Variants in TMEM231 observed in about 807,000 individuals in gnomAD.
The protein encoded by TMEM231 is transmembrane protein 231.
A neutral mutation model predicts 38.5 loss-of-function variants in TMEM231; 40 were observed. The observed-to-expected ratio is 1.04, with a 90% confidence interval of 0.81 to 1.35. The LOEUF (loss-of-function observed/expected upper bound fraction) is 1.35, where lower values mean the gene tolerates loss of function less well. Ranked by LOEUF, TMEM231 falls within the 40% of genes most tolerant of loss-of-function variation. The pLI is 0.00. For synonymous variants in TMEM231, 199 were observed against 181.7 expected (o/e 1.10, Z -0.77); for missense variants, 420 against 416.9 (o/e 1.01, Z -0.07).
chr16:75,552,773 C>T (rs2080776936), intron 2 of TMEM231, among the ~76,000 whole-genome samples: 1 of 152,126 alleles, frequency 6.6e-6, no homozygotes, highest in African/African-American at 2.4e-5. Flanking sequence ...TATGCCATAC[C>T]TGCCTCCTTG....
intron 2 of TMEM231, among the ~76,000 whole-genome samples, chr16:75,546,632 T>G (rs1168452692): frequency 6.6e-6 from 1 of 152,092 alleles, no homozygotes; most frequent in Non-Finnish European, 1.5e-5. Flanking sequence ...TAGTAGAGAC[T>G]GGGTCTCACC....
chr16:75,553,489 G>A (rs1206177678), intron 2 of TMEM231, among the ~76,000 whole-genome samples: 1 of 151,820 alleles, frequency 6.6e-6, no homozygotes, highest in Non-Finnish European at 1.5e-5. Flanking sequence ...CGGAGTGGTG[G>A]TGCATGCCTG....
At position 75,549,947 on chromosome 16, in the gene TMEM231, G is replaced by C. The variant is rs575927704; in HGVS notation, c.310-3993C>G. Reference sequence around the variant, plus strand: ...TATTCTCAAACTCCTGACCTTGGGTGATCTGCCCGCCTCAGCCTCCCAAAG... The same window carrying C: ...TATTCTCAAACTCCTGACCTTGGGTCATCTGCCCGCCTCAGCCTCCCAAAG... On this transcript the variant is annotated intron_variant, in intron 2 of 6. Transcript: ENST00000258173. Among the ~76,000 whole-genome samples, 5 of 152,308 alleles carry C rather than the reference G, an allele frequency of 3.3e-5. No homozygotes were observed. In the East Asian group the frequency reaches 9.6e-4, roughly 29 times the overall value.
rs534002998 is a variant in TMEM231 at position 75,555,642 on chromosome 16, C to G, written c.309+162G>C. ...GCAGAATGAAACAGAAGATCGATTCCCTAGGTCCTAGGAGATGAAACGCCA... is the reference window on the plus strand; with the variant it reads ...GCAGAATGAAACAGAAGATCGATTCGCTAGGTCCTAGGAGATGAAACGCCA... On this transcript the variant is annotated intron_variant, in intron 2 of 6. Transcript: ENST00000258173. 5.5e-4 allele frequency: 354 copies of G among 645,962 alleles called. 2 individuals carry two copies. The Middle Eastern group carries it at 7.5e-3, about 14-fold the overall frequency. The allele number at this position is 645,962 out of a possible 1,614,324, so 40.0% of individuals were successfully genotyped here.
In TMEM231 at chr16:75,541,464, C is replaced by T. The variant is rs2080628236; in HGVS notation, c.665-9G>A. 1 of 1,586,772 alleles carries T rather than the reference C, an allele frequency of 6.3e-7. No homozygotes were observed. Among genetic ancestry groups the T allele is most frequent in the Non-Finnish European group, 8.6e-7 (1 of 1,160,730 alleles). On this transcript the variant is annotated splice_polypyrimidine_tract_variant and intron_variant, in intron 5 of 6. Transcript: ENST00000258173. ...ATTCAGGACGGTGGTAACTGCAATGCAATCATTAACCATTAACCACGATGG... is the reference window on the plus strand; with the variant it reads ...ATTCAGGACGGTGGTAACTGCAATGTAATCATTAACCATTAACCACGATGG...
chr16:75,552,739 G>A lies in TMEM231; in HGVS notation c.309+3065C>T, dbSNP rs186903080. On this transcript the variant is annotated intron_variant, in intron 2 of 6. Coordinates refer to ENST00000258173, the MANE Select transcript of TMEM231 (RefSeq NM_001077418.3). ...TGCCCCTTCTGCATGTTTTGATGCC[G>A]GCACAGGTGTAAGCAATGAGAACTA... Among the ~76,000 whole-genome samples, 799 of 152,098 alleles carry A rather than the reference G, an allele frequency of 5.3e-3. 6 individuals are homozygous for A. The highest frequency in any genetic ancestry group is 8.3e-3 in the South Asian group (40 of 4,820).
rs749234584 is a variant in TMEM231, at chr16:75,556,225, G to A, written c.-16C>T. 5 of 1,392,970 alleles carry A rather than the reference G, an allele frequency of 3.6e-6. No homozygotes were observed. The East Asian group carries it at 8.8e-5, about 25-fold the overall frequency. 86.3% of individuals were successfully genotyped at this position (1,392,970 alleles called of 1,614,324 possible). A position where few individuals can be genotyped will look rare whatever the true frequency, so the allele number is the denominator to read the frequency against. ...AGAGCGCCATGAGCACCGCTCGCAG[G>A]CACTCCGCGAGCCGGGGGACCAAGT... On this transcript the variant is annotated 5_prime_UTR_variant, in exon 1 of 7. Coordinates refer to ENST00000258173, the MANE Select transcript of TMEM231 (RefSeq NM_001077418.3).
chr16:75,546,141 T>C (rs2080688274), intron 2 of TMEM231, 187 bp from the exon 3 acceptor site: 9 of 1,521,848 alleles, frequency 5.9e-6, no homozygotes, highest in Admixed American at 4.0e-5. Flanking sequence ...AAGTGCATGG[T>C]CCCTGAACTT....
chr16:75,555,745 C>T (rs1326444034), intron 2 of TMEM231, 59 bp downstream of exon 2: 2 of 1,434,488 alleles, frequency 1.4e-6, no homozygotes, highest in South Asian at 1.5e-5. Context: ...ATCCTCATTC[C>T]AGTCCCCATC....
In TMEM231 at chr16:75,545,421, G is replaced by C; in HGVS notation, c.513C>G (p.Tyr171Ter). ...GCTGCAGCCTCAGGTCTCCGTTCAC[G>C]TATAACTGGGATCCCGGGACAGGAA... ...SSFPVPGSQL[Y>*]VNGDLRLQQK... Residue 171 changes from tyrosine (Y) to a stop codon, truncating the protein, a stop_gained, in exon 4 of 7, where the codon TAC becomes TAG. Coordinates refer to ENST00000258173, the MANE Select transcript of TMEM231 (RefSeq NM_001077418.3). LOFTEE classifies it high-confidence loss of function. The C allele has an allele frequency of 4.4e-6, 7 of 1,608,268 alleles. No individual in the cohort carries two copies. The highest frequency in any genetic ancestry group is 5.9e-6 in the Non-Finnish European group (7 of 1,176,712).
chr16:75,552,935 G>A (rs1238739589), intron 2 of TMEM231, among the ~76,000 whole-genome samples: 1 of 152,138 alleles, frequency 6.6e-6, no homozygotes, highest in Non-Finnish European at 1.5e-5. Flanking sequence ...GCCTTCAAGA[G>A]CTATGTCAGC....
chr16:75,540,614 T>C (rs1306000879), intron 6 of TMEM231, among the ~76,000 whole-genome samples: 9 of 152,262 alleles, frequency 5.9e-5, no homozygotes, highest in Admixed American at 5.9e-4. Flanking sequence ...TTTTGTTTGC[T>C]TCTCTGCAGT....
chr16:75,556,034 G>A (rs1334420424), intron 1 of TMEM231, 37 bp downstream of exon 1: 7 of 1,566,736 alleles, frequency 4.5e-6, no homozygotes, highest in Non-Finnish European at 6.1e-6. Context: ...GAGCGCGCCC[G>A]GGGAGCCTCG....
rs2080590451 is a variant in TMEM231 at position 75,538,994 on chromosome 16, CTG to C, written c.*998_*999del. 1.3e-5 allele frequency: 2 copies of C among 152,344 alleles called. No individual in the cohort carries two copies. Among genetic ancestry groups the C allele is most frequent in the African/African-American group, 2.4e-5 (1 of 41,472 alleles). The allele number at this position is 152,344 out of a possible 1,614,324, so 9.4% of individuals were successfully genotyped here. On this transcript the variant is annotated 3_prime_UTR_variant, in exon 7 of 7. Transcript: ENST00000258173. The stretch of plus-strand genomic sequence containing the variant: ...CCTTCCCAAAGCTGCCCGCCCCACT[CTG>C]ATGGGCACCCTGTTCCTTAGTCAAG...
intron 4 of TMEM231, among the ~76,000 whole-genome samples, chr16:75,544,606 G>A (rs767458897): frequency 1.1e-4 from 16 of 152,166 alleles, no homozygotes; most frequent in South Asian, 2.1e-4. Context: ...GCACTCAGGG[G>A]TGGCATATGT....
chr16:75,540,244 C>A, intron 6 of TMEM231, 70 bp from the exon 7 acceptor site: 1 of 1,474,478 alleles, frequency 6.8e-7, no homozygotes, highest in Admixed American at 2.1e-5. Flanking sequence ...ATGGAATTGG[C>A]TGTGGCAGAG....
At chr16:75,552,109 G>C (rs2080769250) in intron 2 of TMEM231, among the ~76,000 whole-genome samples, 1 of 152,002 alleles carries the variant, frequency 6.6e-6, no homozygotes, top group African/African-American at 2.4e-5. Context: ...TTTGTCCTTT[G>C]TGCCATCAAA....
At chr16:75,548,845 G>A (rs924227047) in intron 2 of TMEM231, among the ~76,000 whole-genome samples, 7 of 152,156 alleles carry the variant, frequency 4.6e-5, no homozygotes, top group African/African-American at 1.4e-4. Flanking sequence ...CTCCAGCCTG[G>A]TGACAGAGCA....
At position 75,541,452 on chromosome 16, in the gene TMEM231, G is replaced by A. The variant is rs971651334; in HGVS notation, c.668C>T (p.Thr223Ile). Residue 223 changes from threonine (T) to isoleucine (I), a missense_variant, in exon 6 of 7, where the codon ACC becomes ATC. By Grantham distance (89) the Thr-to-Ile change is moderately conservative. Transcript: ENST00000258173. ...IVAAYQERNV[T>I]TVLNDPNPIW... ...GGGGTTGGGATCATTCAGGACGGTG[G>A]TAACTGCAATGCAATCATTAACCAT... is the stretch of plus-strand genomic sequence containing the variant. The A allele has an allele frequency of 1.2e-6, 2 of 1,603,054 alleles. No individual in the cohort carries two copies. Among genetic ancestry groups the A allele is most frequent in the South Asian group, 1.1e-5 (1 of 89,974 alleles).
Sources: allele counts gnomAD v4.1 joint callset (sites outside exome capture counted in the v4.1 genomes callset), GRCh38; gene constraint gnomAD v4.1.1; transcripts MANE v1.5; gene names NCBI Gene and HGNC (gene_info 2026-07-23, HGNC 2026-07-21).